Variants in ERC2 observed in about 807,000 individuals in gnomAD.
ERC2 encodes the protein ERC protein 2.
In ERC2, 42 loss-of-function variants were observed where a neutral mutation model predicts 114.8. The ratio of observed to expected loss-of-function variants is 0.37; its 90% CI spans 0.29 to 0.47. The LOEUF (loss-of-function observed/expected upper bound fraction) is 0.47. Among genes scored for constraint, ERC2 ranks in the 20% least tolerant of loss-of-function variants. The probability of loss-of-function intolerance (pLI) is 0.99; values close to 1 mark genes in which losing one functional copy is unlikely to be tolerated. For synonymous variants in ERC2, 454 were observed against 425.5 expected (o/e 1.07, Z -0.82); for missense variants, 939 against 1,150.7 (o/e 0.82, Z 2.66).
intron 1 of ERC2, among the ~76,000 whole-genome samples, chr3:56,456,893 G>A (rs1407925644): frequency 2.0e-5 from 3 of 152,198 alleles, no homozygotes; most frequent in Non-Finnish European, 4.4e-5. Context: ...CAGCACAGAA[G>A]ATTAATGTAT....
chr3:55,522,153 C>A (rs957621789), intron 17 of ERC2, among the ~76,000 whole-genome samples: 17 of 152,138 alleles, frequency 1.1e-4, no homozygotes, highest in Non-Finnish European at 2.5e-4. Context: ...AAGCAACCAC[C>A]AATTCAGAGT....
intron 2 of ERC2, among the ~76,000 whole-genome samples, chr3:56,336,433 GGCT>G (rs2057851587): frequency 6.6e-6 from 1 of 152,136 alleles, no homozygotes; most frequent in African/African-American, 2.4e-5. Context: ...AATGCCTATA[GGCT>G]GCTATCATGA....
At chr3:55,837,179 T>C (rs1205703349) in intron 14 of ERC2, among the ~76,000 whole-genome samples, 1 of 152,214 alleles carries the variant, frequency 6.6e-6, no homozygotes, top group Non-Finnish European at 1.5e-5. Flanking sequence ...AGTTCAACCA[T>C]TGTGGAAGTC....
At chr3:55,976,468 T>C (rs2069600868) in intron 12 of ERC2, among the ~76,000 whole-genome samples, 1 of 152,234 alleles carries the variant, frequency 6.6e-6, no homozygotes, top group Non-Finnish European at 1.5e-5. Context: ...TACCTCCTTA[T>C]AACTCCATTT....
At chr3:56,260,575 G>A (rs1249109642) in intron 3 of ERC2, among the ~76,000 whole-genome samples, 1 of 152,190 alleles carries the variant, frequency 6.6e-6, no homozygotes, top group Non-Finnish European at 1.5e-5. Context: ...TGCTCACTTA[G>A]TTGAAGCATC....
intron 17 of ERC2, among the ~76,000 whole-genome samples, chr3:55,673,350 C>T (rs549627029): frequency 2.6e-5 from 4 of 152,190 alleles, no homozygotes; most frequent in African/African-American, 9.6e-5. Context: ...TTTGGGAGGC[C>T]GAGGTGGGCA....
At chr3:55,738,399 C>T (rs2065774179) in intron 14 of ERC2, among the ~76,000 whole-genome samples, 1 of 152,062 alleles carries the variant, frequency 6.6e-6, no homozygotes, top group Non-Finnish European at 1.5e-5. Context: ...TAGAAAATAT[C>T]CTAAGAGTAA....
chr3:56,139,391 A>G, intron 6 of ERC2, 118 bp downstream of exon 6: 1 of 975,806 alleles, frequency 1.0e-6, no homozygotes, highest in Non-Finnish European at 1.5e-6. Flanking sequence ...TATGAATTTC[A>G]AAATACATCT....
At chr3:56,008,839 T>A (rs1379795068) in intron 9 of ERC2, among the ~76,000 whole-genome samples, 1 of 152,234 alleles carries the variant, frequency 6.6e-6, no homozygotes, top group African/African-American at 2.4e-5. Context: ...GATTGCAACA[T>A]CAGCTTCTGT....
intron 3 of ERC2, among the ~76,000 whole-genome samples, chr3:56,190,627 T>G (rs1400002509): frequency 6.6e-6 from 1 of 151,878 alleles, no homozygotes; most frequent in Non-Finnish European, 1.5e-5. Context: ...TTTGTAGAGA[T>G]GAGGTCTTGC....
At chr3:55,910,402 C>CA (rs1157163862) in intron 13 of ERC2, among the ~76,000 whole-genome samples, 2 of 149,936 alleles carry the variant, frequency 1.3e-5, no homozygotes, top group African/African-American at 4.9e-5. Context: ...AACAAAAAAA[C>CA]AAAAAAACAA....
intron 12 of ERC2, among the ~76,000 whole-genome samples, chr3:55,952,959 C>A (rs923571976): frequency 6.6e-6 from 1 of 151,928 alleles, no homozygotes; most frequent in Non-Finnish European, 1.5e-5. Context: ...TTTGGGAGGC[C>A]GAGGTGGGCA....
chr3:55,664,685 A>G (rs1472353938), intron 17 of ERC2, among the ~76,000 whole-genome samples: 2 of 152,152 alleles, frequency 1.3e-5, no homozygotes, highest in African/African-American at 4.8e-5. Flanking sequence ...CTTTCTTCCT[A>G]GTATTCTGTT....
intron 17 of ERC2, among the ~76,000 whole-genome samples, chr3:55,662,647 A>G (rs1032840985): frequency 1.3e-5 from 2 of 152,214 alleles, no homozygotes; most frequent in Non-Finnish European, 2.9e-5. Context: ...CTACTTCAAT[A>G]TAGCTTAAAT....
chr3:56,450,747 C>G (rs1446640418), intron 1 of ERC2, among the ~76,000 whole-genome samples: 1 of 152,072 alleles, frequency 6.6e-6, no homozygotes, highest in East Asian at 1.9e-4. Context: ...AGGAGAGTAG[C>G]TTGAGTCCAG....
chr3:56,103,981 C>G (rs552920512), intron 6 of ERC2, among the ~76,000 whole-genome samples: 3 of 152,130 alleles, frequency 2.0e-5, no homozygotes, highest in Admixed American at 6.5e-5. Flanking sequence ...ACTGCTAGCC[C>G]AGTATCAATG....
chr3:56,158,764 G>C (rs115395053), intron 4 of ERC2, among the ~76,000 whole-genome samples: 4,940 of 151,140 alleles, frequency 0.033, 165 homozygotes, highest in Non-Finnish European at 0.045. Flanking sequence ...AAAAAATAGG[G>C]CATTTTCAAG....
At chr3:55,976,330 T>C (rs1487175274) in intron 12 of ERC2, among the ~76,000 whole-genome samples, 1 of 152,162 alleles carries the variant, frequency 6.6e-6, no homozygotes, top group Non-Finnish European at 1.5e-5. Flanking sequence ...GGTTGTTTTA[T>C]TGTCTCATGA....
Position 56,212,619 on chromosome 3 carries a change from A to T in ERC2, c.1075-39099T>A, listed in dbSNP as rs572774935. Among the ~76,000 whole-genome samples the T allele has an allele frequency of 1.9e-3, 287 of 152,106 alleles. 4 individuals are homozygous for T. Among genetic ancestry groups the T allele is most frequent in the Non-Finnish European group, 3.8e-3 (257 of 68,016 alleles). On this transcript the variant is annotated intron_variant, in intron 3 of 17. Coordinates refer to ENST00000288221, the MANE Select transcript of ERC2 (RefSeq NM_015576.3). Reference sequence around the variant, plus strand: ...CCACTCCTGGGTATCTACCCAGAGGAAAATAAGTCATTACATGAAAAAGAT... The same window carrying T: ...CCACTCCTGGGTATCTACCCAGAGGTAAATAAGTCATTACATGAAAAAGAT...
Sources: allele counts gnomAD v4.1 joint callset (sites outside exome capture counted in the v4.1 genomes callset), GRCh38; gene constraint gnomAD v4.1.1; transcripts MANE v1.5; gene names NCBI Gene and HGNC (gene_info 2026-07-23, HGNC 2026-07-21).